WDHD1: variants seen among roughly 807,000 people sequenced by gnomAD.
The protein encoded by WDHD1 is WD repeat and HMG-box DNA binding protein 1, also known as WD repeat and HMG-box DNA-binding protein 1.
In WDHD1, 111 loss-of-function variants were observed where a neutral mutation model predicts 135.4. The observed-to-expected ratio is 0.82, with a 90% CI of 0.70 to 0.96. WDHD1 has a LOEUF of 0.96. WDHD1 is among the 40% of genes least tolerant of loss of function. The pLI is 0.00. For missense variants in WDHD1, 1,351 were observed against 1,336.3 expected (o/e 1.01, Z -0.17); for synonymous variants, 434 against 439.0 (o/e 0.99, Z 0.14).
intron 16 of WDHD1, among the ~76,000 whole-genome samples, chr14:54,977,561 C>T (rs552253816): frequency 1.3e-5 from 2 of 152,054 alleles, no homozygotes; most frequent in African/African-American, 4.8e-5. Context: ...TTAGCTGATA[C>T]TAAATGTAGA....
intron 2 of WDHD1, among the ~76,000 whole-genome samples, chr14:55,018,962 AC>A (rs1409772126): frequency 6.6e-6 from 1 of 152,168 alleles, no homozygotes; most frequent in Non-Finnish European, 1.5e-5. Flanking sequence ...GGCAGAGGTT[AC>A]AGTGGGCCGA....
At chr14:54,946,699 G>C (rs1226373151) in intron 24 of WDHD1, among the ~76,000 whole-genome samples, 1 of 152,168 alleles carries the variant, frequency 6.6e-6, no homozygotes, top group Non-Finnish European at 1.5e-5. Context: ...CATTGCCCAG[G>C]CTGGTTCCAA....
intron 16 of WDHD1, among the ~76,000 whole-genome samples, chr14:54,968,137 T>C (rs1187040120): frequency 1.3e-5 from 2 of 152,194 alleles, no homozygotes; most frequent in South Asian, 2.1e-4. Flanking sequence ...TCAAAAATTT[T>C]TTTTAAATTG....
chr14:54,990,680 A>G (rs761080040), intron 12 of WDHD1, among the ~76,000 whole-genome samples: 35 of 152,176 alleles, frequency 2.3e-4, no homozygotes, highest in Admixed American at 8.5e-4. Flanking sequence ...TTTAATGTGC[A>G]CTGTATCATA....
chr14:54,962,583 A>C (rs765772108), intron 20 of WDHD1, 32 bp from the exon 21 acceptor site: 1 of 1,571,734 alleles, frequency 6.4e-7, no homozygotes, highest in Admixed American at 1.8e-5. Context: ...TATAATGTAA[A>C]TGGGGAAAAT....
intron 7 of WDHD1, among the ~76,000 whole-genome samples, chr14:55,006,979 C>T (rs2042080611): frequency 6.6e-6 from 1 of 152,070 alleles, no homozygotes; most frequent in Non-Finnish European, 1.5e-5. Flanking sequence ...GTAATACTAG[C>T]ATTTTGTGAG....
intron 21 of WDHD1, among the ~76,000 whole-genome samples, chr14:54,959,313 G>A (rs1180637658): frequency 7.9e-6 from 1 of 126,008 alleles, no homozygotes; most frequent in East Asian, 2.1e-4. Context: ...TGGAAAGATC[G>A]CTTGGGTCTG....
chr14:54,948,793 C>G (rs1235050804), intron 24 of WDHD1, among the ~76,000 whole-genome samples: 1 of 152,194 alleles, frequency 6.6e-6, no homozygotes, highest in African/African-American at 2.4e-5. Flanking sequence ...GCCGGGTACC[C>G]CTCTGAGACG....
At chr14:54,977,967 G>T (rs1463936232) in intron 16 of WDHD1, among the ~76,000 whole-genome samples, 1 of 150,062 alleles carries the variant, frequency 6.7e-6, no homozygotes, top group African/African-American at 2.4e-5. Context: ...AATTACTAAG[G>T]GTGTGAAAAC....
At position 54,941,278 on chromosome 14, in the gene WDHD1, G is replaced by C; in HGVS notation, c.*212C>G. 2.5e-6 allele frequency: 1 copy of C among 397,734 alleles called. No individual in the cohort carries two copies. Among genetic ancestry groups the C allele is most frequent in the Non-Finnish European group, 4.4e-6 (1 of 228,052 alleles). The allele number at this position is 397,734 out of a possible 1,614,324, so 24.6% of individuals were successfully genotyped here. On this transcript the variant is annotated 3_prime_UTR_variant, in exon 26 of 26. Coordinates refer to ENST00000360586, the MANE Select transcript of WDHD1 (RefSeq NM_007086.4). ...TCACAATGCATCTCTGAAAGGCCCT[G>C]CATTTGGAGGCAGAGTAATCTGCAA... is the stretch of plus-strand genomic sequence containing the variant.
At position 54,980,801 on chromosome 14, in the gene WDHD1, A is replaced by AT. The variant is rs138273571; in HGVS notation, c.2063+738dup. Among the ~76,000 whole-genome samples the AT allele has an allele frequency of 9.5e-3, 826 of 87,020 alleles. 17 individuals are homozygous for AT. Among genetic ancestry groups the AT allele is most frequent in the African/African-American group, 0.036 (691 of 19,440 alleles). The allele number at this position is 87,020 out of a possible 152,430, so 57.1% of individuals were successfully genotyped here. ...CCTGGGTGACAGAGTGAGACTCCAC[A>AT]TAAAAAAAAAAAAAAAAAAAAAAAC... is the stretch of plus-strand genomic sequence containing the variant. On this transcript the variant is annotated intron_variant, in intron 16 of 25. Transcript: ENST00000360586.
chr14:54,942,447 C>T (rs2040855337), intron 25 of WDHD1, among the ~76,000 whole-genome samples: 1 of 152,024 alleles, frequency 6.6e-6, no homozygotes, highest in Non-Finnish European at 1.5e-5. Context: ...TTGAAACAAT[C>T]CCATTTTACT....
At chr14:55,010,011 G>A (rs778369530) in intron 4 of WDHD1, among the ~76,000 whole-genome samples, 1 of 151,396 alleles carries the variant, frequency 6.6e-6, no homozygotes, top group Non-Finnish European at 1.5e-5. Context: ...TAGAGACGGG[G>A]TTTTGCCATG....
chr14:55,003,968 GCT>G (rs2042021839), intron 7 of WDHD1, among the ~76,000 whole-genome samples: 1 of 152,100 alleles, frequency 6.6e-6, no homozygotes, highest in African/African-American at 2.4e-5. Flanking sequence ...ATGGAAATTA[GCT>G]CTGTTTTATT....
chr14:54,991,440 C>T, intron 11 of WDHD1, 40 bp from the exon 12 acceptor site: 1 of 1,572,024 alleles, frequency 6.4e-7, no homozygotes, highest in Non-Finnish European at 8.7e-7. Flanking sequence ...ATCACGAATA[C>T]CAATGATTTG....
chr14:55,008,312 T>G lies in WDHD1; in HGVS notation c.504+4A>C. On this transcript the variant is annotated splice_donor_region_variant and intron_variant, in intron 6 of 25. Transcript: ENST00000360586. The stretch of plus-strand genomic sequence containing the variant: ...AAACTTTAAATTTAAATTGCTGAGT[T>G]TACCTGATCTGAAATTTGCCACACT... 6.2e-7 allele frequency: 1 copy of G among 1,613,010 alleles called. No homozygotes were observed. The highest frequency in any genetic ancestry group is 1.1e-5 in the South Asian group (1 of 90,874).
At chr14:55,000,451 A>G in intron 10 of WDHD1, 52 bp downstream of exon 10, 3 of 1,505,130 alleles carry the variant, frequency 2.0e-6, no homozygotes, top group Non-Finnish European at 2.7e-6. Flanking sequence ...TTCCAAATCC[A>G]TATGATCACA....
At chr14:54,945,723 T>A (rs1283948061) in intron 24 of WDHD1, among the ~76,000 whole-genome samples, 1 of 152,098 alleles carries the variant, frequency 6.6e-6, no homozygotes, top group Non-Finnish European at 1.5e-5. Flanking sequence ...GTATTTTTAG[T>A]AAAGACAGGG....
intron 16 of WDHD1, among the ~76,000 whole-genome samples, chr14:54,977,654 G>A (rs1192352357): frequency 6.6e-6 from 1 of 152,104 alleles, no homozygotes; most frequent in Non-Finnish European, 1.5e-5. Context: ...CCTGGATAAC[G>A]TAAGGAGACC....
Sources: gnomAD v4.1 joint callset for allele counts (sites outside exome capture counted in the v4.1 genomes callset) on GRCh38, gnomAD v4.1.1 for gene constraint, MANE v1.5 for transcripts, NCBI Gene and HGNC (gene_info 2026-07-23, HGNC 2026-07-21) for gene names.